Variants in RNPC3 observed in about 807,000 individuals in gnomAD.
The protein encoded by RNPC3 is RNA binding region (RNP1, RRM) containing 3.
RNPC3 carries 48 observed loss-of-function variants against 67.5 expected under a neutral mutation model. The observed-to-expected ratio is 0.71, with a 90% confidence interval of 0.56 to 0.90. RNPC3 has a LOEUF of 0.90. Ranked by LOEUF, RNPC3 falls within the 40% of genes least tolerant of loss-of-function variation. RNPC3 has a pLI of 0.00. For synonymous variants in RNPC3, 239 were observed against 210.3 expected, an observed-to-expected ratio of 1.14 and a Z score of -1.18; for missense variants, 637 against 626.1, an observed-to-expected ratio of 1.02 and a Z score of -0.19.
At chr1:103,537,547 G>T (rs10736038) in intron 7 of RNPC3, 63 bp downstream of exon 7, 2 of 1,349,610 alleles carry the variant, frequency 1.5e-6, no homozygotes, top group Non-Finnish European at 2.0e-6. Flanking sequence ...AGAGACTCTT[G>T]CTCTCCCTAG....
At chr1:103,549,006 A>T (rs1285494305) in intron 12 of RNPC3, among the ~76,000 whole-genome samples, 1 of 152,148 alleles carries the variant, frequency 6.6e-6, no homozygotes. Context: ...CTCATGTACT[A>T]TCATGAGAAC....
At chr1:103,538,727 G>A (rs1261988245) in intron 7 of RNPC3, among the ~76,000 whole-genome samples, 1 of 152,120 alleles carries the variant, frequency 6.6e-6, no homozygotes, top group Non-Finnish European at 1.5e-5. Flanking sequence ...TATTCTTCTG[G>A]ACTCTACTTA....
chr1:103,534,856 G>A lies in RNPC3; in HGVS notation c.442G>A (p.Gly148Arg). The change falls in exon 4 of 15, where the codon GGG (glycine) becomes AGG (arginine). Residue 148 changes from glycine (G) to arginine (R), a missense_variant and splice_region_variant. Gly to Arg is a moderately radical substitution (Grantham distance 125, BLOSUM62 -2). Around this residue, in one of 3 missense-constraint regions of RNPC3, gnomAD observed 536 missense variants for 500.3 expected, o/e 1.07. Coordinates refer to ENST00000423855, the MANE Select transcript of RNPC3 (RefSeq NM_017619.4). Reference protein sequence around the residue: ...TVENGIAPNHGLTFPLNSCLK... With the variant: ...TVENGIAPNHRLTFPLNSCLK... ...AGAAAATGGAATTGCACCAAACCATGGGTTAGCATTTTTGTTTGCTTTTCT... is the reference window on the plus strand; with the variant it reads ...AGAAAATGGAATTGCACCAAACCATAGGTTAGCATTTTTGTTTGCTTTTCT... 5 of 1,519,618 alleles carry A rather than the reference G, an allele frequency of 3.3e-6. No individual in the cohort carries two copies. The highest frequency in any genetic ancestry group is 4.4e-6 in the Non-Finnish European group (5 of 1,136,936). The allele number at this position is 1,519,618 out of a possible 1,614,324, so 94.1% of individuals were successfully genotyped here. A position where few individuals can be genotyped will look rare whatever the true frequency, so the allele number is the denominator to read the frequency against.
intron 2 of RNPC3, among the ~76,000 whole-genome samples, chr1:103,528,082 CT>C (rs1204572096): frequency 6.6e-6 from 1 of 152,168 alleles, no homozygotes; most frequent in African/African-American, 2.4e-5. Context: ...AGGAGGTGAT[CT>C]TTTAGCTAGA....
At chr1:103,548,286 G>T (rs1397945599) in intron 12 of RNPC3, among the ~76,000 whole-genome samples, 1 of 152,084 alleles carries the variant, frequency 6.6e-6, no homozygotes, top group Admixed American at 6.6e-5. Context: ...TTGTCAGACT[G>T]CAAATTTTCC....
chr1:103,544,926 A>G lies in RNPC3; in HGVS notation c.1046-15A>G, dbSNP rs768625977. The G allele has an allele frequency of 6.7e-7, 1 of 1,497,720 alleles. No individual in the cohort carries two copies. The highest frequency in any genetic ancestry group is 8.9e-7 in the Non-Finnish European group (1 of 1,123,062). 92.8% of individuals were successfully genotyped at this position (1,497,720 alleles called of 1,614,324 possible). ...GAGAGATTCTTAATGGTTAATGTTA[A>G]TATTGAACTCTTAGATTTACCTGCT... On this transcript the variant is annotated splice_polypyrimidine_tract_variant and intron_variant, in intron 9 of 14. Transcript: ENST00000423855.
At chr1:103,547,809 A>G (rs534344247) in intron 12 of RNPC3, among the ~76,000 whole-genome samples, 2 of 152,312 alleles carry the variant, frequency 1.3e-5, no homozygotes, top group East Asian at 1.9e-4. Context: ...AGAATGGGCA[A>G]TTTACAAAGG....
intron 10 of RNPC3, chr1:103,545,336 G>T: frequency 3.1e-6 from 1 of 319,778 alleles, no homozygotes; most frequent in Non-Finnish European, 5.7e-6. Context: ...AAAAAATTTT[G>T]TTTTCATTCC....
intron 5 of RNPC3, 53 bp downstream of exon 5, chr1:103,535,494 T>A: frequency 9.3e-7 from 1 of 1,073,062 alleles, no homozygotes; most frequent in Non-Finnish European, 1.4e-6. Context: ...CTTGATACTT[T>A]ATTTTTCATG....
In RNPC3 at chr1:103,541,352, T is replaced by G; in HGVS notation, c.770T>G (p.Met257Arg). 1 of 1,506,486 alleles carries G rather than the reference T, an allele frequency of 6.6e-7. No homozygotes were observed. The highest frequency in any genetic ancestry group is 8.8e-7 in the Non-Finnish European group (1 of 1,136,042). The allele number at this position is 1,506,486 out of a possible 1,614,324, so 93.3% of individuals were successfully genotyped here. A position where few individuals can be genotyped will look rare whatever the true frequency, so the allele number is the denominator to read the frequency against. The part of the protein sequence containing the change: ...ESTDDEDRQR[M>R]NKLMELANLQ... Reference sequence around the variant, plus strand: ...TATCATCCCTCTCCTCATTGTAGAATGAACAAATTAATGGAACTAGCAAAT... The same window carrying G: ...TATCATCCCTCTCCTCATTGTAGAAGGAACAAATTAATGGAACTAGCAAAT... The change falls in exon 8 of 15, where the codon ATG (methionine) becomes AGG (arginine). Residue 257 changes from methionine to arginine, a missense_variant and splice_region_variant. This residue lies in a region of RNPC3 where 536 missense variants were observed against 500.3 expected (regional missense o/e 1.07). Transcript: ENST00000423855.
chr1:103,537,249 A>T (rs11590775), intron 6 of RNPC3, 93 bp from the exon 7 acceptor site: 21,660 of 853,774 alleles, frequency 0.025, 389 homozygotes, highest in Middle Eastern at 0.045. Context: ...AAAAAAGACC[A>T]TGTGATAGAA....
chr1:103,534,447 C>T (rs763269738), intron 3 of RNPC3, among the ~76,000 whole-genome samples: 54 of 151,950 alleles, frequency 3.6e-4, no homozygotes, highest in Non-Finnish European at 6.3e-4. Flanking sequence ...CATTTGATTA[C>T]CACTGTTTTA....
Position 103,535,441 on chromosome 1 carries a change from G to T in RNPC3, c.555G>T (p.Gln185His). The part of the protein sequence containing the change: ...ALASVPKFYV[Q>H]VLHLMNKMNL... The stretch of plus-strand genomic sequence containing the variant: ...CAAGCGTGCCTAAGTTCTATGTACA[G>T]GTAAGTAGAATAAAACTTTTCCTAA... The change falls in exon 5 of 15, where the codon CAG becomes CAT. Residue 185 changes from glutamine (Q) to histidine (H), a missense_variant and splice_region_variant. Gln to His is a conservative substitution (Grantham distance 24, BLOSUM62 0). This residue lies in a region of RNPC3 where 536 missense variants were observed against 500.3 expected (regional missense o/e 1.07). Coordinates refer to ENST00000423855, the MANE Select transcript of RNPC3 (RefSeq NM_017619.4). The T allele has an allele frequency of 6.6e-7, 1 of 1,517,156 alleles. No individual in the cohort carries two copies. The highest frequency in any genetic ancestry group is 8.8e-7 in the Non-Finnish European group (1 of 1,130,368). The allele number at this position is 1,517,156 out of a possible 1,614,324, so 94.0% of individuals were successfully genotyped here.
At chr1:103,549,859 T>C (rs1004573949) in intron 12 of RNPC3, among the ~76,000 whole-genome samples, 1 of 152,202 alleles carries the variant, frequency 6.6e-6, no homozygotes, top group Non-Finnish European at 1.5e-5. Context: ...TGTAATTGCT[T>C]ATAATAATAT....
chr1:103,540,192 A>G (rs971506333), intron 7 of RNPC3, among the ~76,000 whole-genome samples: 1 of 152,184 alleles, frequency 6.6e-6, no homozygotes, highest in Non-Finnish European at 1.5e-5. Flanking sequence ...TGATGTTTCC[A>G]TGTACACAAA....
intron 2 of RNPC3, among the ~76,000 whole-genome samples, chr1:103,530,359 T>G (rs1186051428): frequency 6.6e-6 from 1 of 152,142 alleles, no homozygotes; most frequent in African/African-American, 2.4e-5. Flanking sequence ...AGGGTTATAT[T>G]TGAACAACAA....
chr1:103,535,493 T>C (rs1311569422), intron 5 of RNPC3, 52 bp downstream of exon 5: 3 of 1,077,958 alleles, frequency 2.8e-6, no homozygotes, highest in Non-Finnish European at 4.1e-6. Flanking sequence ...GCTTGATACT[T>C]TATTTTTCAT....
intron 2 of RNPC3, among the ~76,000 whole-genome samples, chr1:103,530,969 G>A (rs1212463347): frequency 3.9e-5 from 6 of 152,102 alleles, no homozygotes; most frequent in African/African-American, 1.2e-4. Context: ...TGTGCCCATT[G>A]TGAAGTCTTT....
At chr1:103,545,184 A>G in intron 10 of RNPC3, 82 bp downstream of exon 10, 1 of 1,095,596 alleles carries the variant, frequency 9.1e-7, no homozygotes, top group Non-Finnish European at 1.3e-6. Flanking sequence ...CTGTCATGCC[A>G]TTTACCTTAA....
Sources: gnomAD v4.1 joint callset for allele counts (sites outside exome capture counted in the v4.1 genomes callset) on GRCh38, gnomAD v4.1.1 for gene constraint, gnomAD v4.1.1 regional missense constraint, MANE v1.5 for transcripts, NCBI Gene and HGNC (gene_info 2026-07-23, HGNC 2026-07-21) for gene names.